ATP10B: variants seen among roughly 807,000 people sequenced by gnomAD.
ATP10B encodes the protein ATPase phospholipid transporting 10B (putative).
ATP10B carries 122 observed loss-of-function variants against 141.2 expected under a neutral mutation model. The observed-to-expected ratio is 0.86, with a 90% CI of 0.75 to 1.00. The LOEUF is 1.00. Among genes scored for constraint, ATP10B ranks in the 50% least tolerant of loss-of-function variants. The probability of loss-of-function intolerance (pLI) is 0.00; values close to 1 mark genes in which losing one functional copy is unlikely to be tolerated. For missense variants in ATP10B, 1,876 were observed against 1,825.3 expected (o/e 1.03, Z -0.51); for synonymous variants, 685 against 692.0 (o/e 0.99, Z 0.16).
At chr5:160,852,491 C>T (rs529513056), upstream of ATP10B, among the ~76,000 whole-genome samples, 8 of 152,278 alleles carry the variant, frequency 5.3e-5, no homozygotes, top group South Asian at 1.5e-3. Context: ...TATGATTCAG[C>T]TGCTGGGTTT....
chr5:160,597,872 A>G (rs2127620361), intron 22 of ATP10B, among the ~76,000 whole-genome samples: 1 of 152,062 alleles, frequency 6.6e-6, no homozygotes, highest in South Asian at 2.1e-4. Context: ...TAGAATGGCA[A>G]TCATTAAAAA....
At chr5:160,701,051 C>T (rs1460509205) in intron 3 of ATP10B, among the ~76,000 whole-genome samples, 1 of 152,160 alleles carries the variant, frequency 6.6e-6, no homozygotes, top group African/African-American at 2.4e-5. Context: ...TTGCCACACA[C>T]CCATCCAGGC....
At chr5:160,727,742 A>G (rs1301760016) in intron 2 of ATP10B, among the ~76,000 whole-genome samples, 3 of 152,192 alleles carry the variant, frequency 2.0e-5, no homozygotes, top group African/African-American at 7.2e-5. Context: ...CCTTATGCCA[A>G]AGGGAAGGTT....
rs1190335351 is a variant in ATP10B, at chr5:160,565,686, A to G, written c.4153T>C (p.Ser1385Pro). The stretch of plus-strand genomic sequence containing the variant: ...ACATGCTTCCTCTTGGGAGGGTTAG[A>G]GCTCTTTGGGGTGCTGGCACTGAAG... ...QDFSASTPKS[S>P]NPPKRKHVEE... Residue 1385 changes from serine (S) to proline (P), a missense_variant, in exon 26 of 26, where the codon TCT becomes CCT. Ser to Pro is a moderately conservative substitution (Grantham distance 74). Transcript: ENST00000327245. 1 of 1,613,952 alleles carries G rather than the reference A, an allele frequency of 6.2e-7. No individual in the cohort carries two copies. Among genetic ancestry groups the G allele is most frequent in the East Asian group, 2.2e-5 (1 of 44,864 alleles).
intron 7 of ATP10B, among the ~76,000 whole-genome samples, chr5:160,653,378 A>G (rs1286538129): frequency 1.8e-5 from 1 of 56,912 alleles, no homozygotes; most frequent in Non-Finnish European, 3.7e-5. Context: ...ACATACATAC[A>G]TAGGTAGTAT....
At chr5:160,610,281 G>GT (rs1757645467) in intron 18 of ATP10B, among the ~76,000 whole-genome samples, 1 of 152,170 alleles carries the variant, frequency 6.6e-6, no homozygotes, top group Non-Finnish European at 1.5e-5. Flanking sequence ...CTGCCATGTT[G>GT]TATAGCAGTC....
chr5:160,864,459 C>T, the ATP10B span, among the ~76,000 whole-genome samples: 2 of 152,090 alleles, frequency 1.3e-5, no homozygotes, highest in Non-Finnish European at 1.5e-5. Flanking sequence ...CTATGACAAA[C>T]CCACAGCCAG....
chr5:160,620,183 G>A (rs1581211551), intron 15 of ATP10B, among the ~76,000 whole-genome samples, 164 bp downstream of exon 15: 1 of 152,198 alleles, frequency 6.6e-6, no homozygotes. Context: ...GTAAAATGCA[G>A]CATGTTTTAA....
chr5:160,598,950 G>A lies in ATP10B; in HGVS notation c.3384C>T (p.Phe1128=). ...AGAAACCACAGAAGAACTGATACCA[G>A]AAGAGCAGGTTGACGTAGCACTGCA... ...YKNVCYVNLL[F]WYQFFCGFSS... Residue 1128 remains phenylalanine (F), a synonymous_variant, in exon 22 of 26, where the codon TTC becomes TTT. Coordinates refer to ENST00000327245, the MANE Select transcript of ATP10B (RefSeq NM_025153.3). 1 of 1,614,156 alleles carries A rather than the reference G, an allele frequency of 6.2e-7. No homozygotes were observed. The highest frequency in any genetic ancestry group is 8.5e-7 in the Non-Finnish European group (1 of 1,180,006).
At chr5:160,836,959 T>C (rs1449923290) in intron 1 of ATP10B, among the ~76,000 whole-genome samples, 2 of 152,174 alleles carry the variant, frequency 1.3e-5, no homozygotes, top group East Asian at 3.8e-4. Context: ...GTATTTTTTT[T>C]CTGATATCTC....
chr5:160,573,368 A>T (rs1754996729), intron 24 of ATP10B, among the ~76,000 whole-genome samples: 1 of 152,214 alleles, frequency 6.6e-6, no homozygotes, highest in African/African-American at 2.4e-5. Context: ...TAAGCCACCC[A>T]GTCTATGGTA....
intron 1 of ATP10B, among the ~76,000 whole-genome samples, chr5:160,846,289 G>T (rs1035926261): frequency 6.6e-6 from 1 of 152,030 alleles, no homozygotes; most frequent in African/African-American, 2.4e-5. Context: ...TACCAATTTG[G>T]GTATTGTCAA....
At chr5:160,896,690 T>C in the ATP10B span, among the ~76,000 whole-genome samples, 2 of 152,202 alleles carry the variant, frequency 1.3e-5, no homozygotes, top group Non-Finnish European at 2.9e-5. Context: ...CCCTAACTCA[T>C]TTTATGAGGC....
intron 1 of ATP10B, among the ~76,000 whole-genome samples, chr5:160,816,581 G>C (rs1773650284): frequency 6.6e-6 from 1 of 152,094 alleles, no homozygotes; most frequent in South Asian, 2.1e-4. Flanking sequence ...GTACAAGGAG[G>C]GGCTGGTACC....
intron 17 of ATP10B, among the ~76,000 whole-genome samples, chr5:160,613,538 A>G (rs1441929786): frequency 1.3e-5 from 2 of 152,234 alleles, no homozygotes; most frequent in Admixed American, 1.3e-4. Flanking sequence ...TTGAGATTGG[A>G]AAAGCAGGAT....
At chr5:160,591,411 G>A (rs567848013) in intron 22 of ATP10B, among the ~76,000 whole-genome samples, 1 of 152,136 alleles carries the variant, frequency 6.6e-6, no homozygotes, top group Non-Finnish European at 1.5e-5. Flanking sequence ...TATCTCCTTG[G>A]GGTTCAAGAG....
chr5:160,700,219 G>T (rs569171813), intron 3 of ATP10B, among the ~76,000 whole-genome samples: 18 of 152,272 alleles, frequency 1.2e-4, no homozygotes, highest in Admixed American at 1.0e-3. Flanking sequence ...GGATTCAAGT[G>T]ATTTCATCTA....
At chr5:160,877,144 T>C in the ATP10B span, among the ~76,000 whole-genome samples, 1 of 152,166 alleles carries the variant, frequency 6.6e-6, no homozygotes, top group Non-Finnish European at 1.5e-5. Flanking sequence ...AATAAAATAC[T>C]GGCAAAACGA....
chr5:160,591,114 A>G lies in ATP10B; in HGVS notation c.3590T>C (p.Ile1197Thr), dbSNP rs1442929636. Reference protein sequence around the residue: ...SECYNLSTFWISMVDAFYQSL... With the variant: ...SECYNLSTFWTSMVDAFYQSL... ...CTGGTAGAATGCATCCACCATAGAA[A>G]TCCAGAAAGTCGACAGGTTATAGCA... Residue 1197 changes from isoleucine to threonine, a missense_variant, in exon 23 of 26, where the codon ATT becomes ACT. Ile to Thr is a moderately conservative substitution (Grantham distance 89). Coordinates refer to ENST00000327245, the MANE Select transcript of ATP10B (RefSeq NM_025153.3). 6.2e-7 allele frequency: 1 copy of G among 1,614,042 alleles called. No homozygotes were observed. The highest frequency in any genetic ancestry group is 1.7e-5 in the Admixed American group (1 of 59,988).
Sources: gnomAD v4.1 joint callset for allele counts (sites outside exome capture counted in the v4.1 genomes callset) on GRCh38, gnomAD v4.1.1 for gene constraint, MANE v1.5 for transcripts, NCBI Gene and HGNC (gene_info 2026-07-23, HGNC 2026-07-21) for gene names.